Variants in BCAS3 observed in about 807,000 individuals in gnomAD.
The protein encoded by BCAS3 is BCAS4/BCAS3 fusion.
In BCAS3, 53 loss-of-function variants were observed where a neutral mutation model predicts 116.1. That is an observed-to-expected ratio of 0.46 (90% confidence interval 0.37 to 0.57). BCAS3 has a LOEUF of 0.57. Among genes scored for constraint, BCAS3 ranks in the 20% least tolerant of loss-of-function variants. The pLI is 0.00. For missense variants in BCAS3, 917 were observed against 1,165.4 expected (o/e 0.79, Z 3.10); for synonymous variants, 391 against 408.2 (o/e 0.96, Z 0.51).
chr17:61,058,935 G>T (rs1488195588), intron 19 of BCAS3, among the ~76,000 whole-genome samples: 1 of 151,888 alleles, frequency 6.6e-6, no homozygotes, highest in Non-Finnish European at 1.5e-5. Context: ...TTGAGGTGAG[G>T]TGATTTTGCT....
chr17:60,729,104 T>C (rs982895120), intron 5 of BCAS3, among the ~76,000 whole-genome samples: 2 of 152,252 alleles, frequency 1.3e-5, no homozygotes, highest in African/African-American at 4.8e-5. Context: ...GCATCTGTTC[T>C]CTTTTGCTAA....
chr17:60,899,512 T>C (rs1419473968), intron 10 of BCAS3, among the ~76,000 whole-genome samples: 2 of 152,030 alleles, frequency 1.3e-5, no homozygotes, highest in African/African-American at 2.4e-5. Context: ...ATTTTTTTTT[T>C]CCTGAGATGG....
intron 14 of BCAS3, among the ~76,000 whole-genome samples, chr17:60,952,060 C>T (rs2060872650): frequency 6.6e-6 from 1 of 151,750 alleles, no homozygotes; most frequent in Non-Finnish European, 1.5e-5. Flanking sequence ...GCATGAGCCA[C>T]TGCACTTGGC....
At chr17:60,959,471 T>A (rs2061312090) in intron 14 of BCAS3, among the ~76,000 whole-genome samples, 1 of 152,174 alleles carries the variant, frequency 6.6e-6, no homozygotes, top group Non-Finnish European at 1.5e-5. Flanking sequence ...ATGTCTTATG[T>A]CCACAATACC....
chr17:60,737,788 T>C (rs190679530), intron 5 of BCAS3, among the ~76,000 whole-genome samples: 1 of 151,996 alleles, frequency 6.6e-6, no homozygotes, highest in Admixed American at 6.6e-5. Flanking sequence ...ATTTTATTAT[T>C]ATTATTATTT....
In BCAS3 at chr17:61,368,951, C is replaced by T. The variant is rs1206213906; in HGVS notation, c.2593+457C>T. Among the ~76,000 whole-genome samples, 1 of 152,150 alleles carries T rather than the reference C, an allele frequency of 6.6e-6. No homozygotes were observed. Among genetic ancestry groups the T allele is most frequent in the Non-Finnish European group, 1.5e-5 (1 of 68,020 alleles). On this transcript the variant is annotated intron_variant, in intron 23 of 23. Transcript: ENST00000407086. The surrounding 1 kb of genome is among the most constrained non-coding windows in gnomAD (Gnocchi z 6.0). ...CCCCTACCAGCTTTTCCTCATGCTG[C>T]CTTTGGCCTTGCATTCTTGCCTCTG...
intron 22 of BCAS3, among the ~76,000 whole-genome samples, chr17:61,159,896 C>G (rs1469325141): frequency 6.6e-6 from 1 of 151,944 alleles, no homozygotes. Context: ...GTATTCTATG[C>G]AAAAGATTAG....
At chr17:60,749,488 A>G (rs185004377) in intron 6 of BCAS3, among the ~76,000 whole-genome samples, 10 of 152,282 alleles carry the variant, frequency 6.6e-5, no homozygotes, top group African/African-American at 2.4e-4. Context: ...TTTTGATGAA[A>G]TGGCTTCAAT....
intron 6 of BCAS3, among the ~76,000 whole-genome samples, chr17:60,772,485 A>G (rs1035023532): frequency 1.3e-5 from 2 of 152,050 alleles, no homozygotes; most frequent in Non-Finnish European, 2.9e-5. Flanking sequence ...GATTGCAAAT[A>G]TTTTCTCCCA....
At chr17:61,167,761 G>C (rs923808058) in intron 22 of BCAS3, among the ~76,000 whole-genome samples, 1 of 152,188 alleles carries the variant, frequency 6.6e-6, no homozygotes, top group Admixed American at 6.5e-5. Flanking sequence ...GGGGCTTCTT[G>C]TAGGGGATAC....
At position 61,392,130 on chromosome 17, in the gene BCAS3, C is replaced by T; in HGVS notation, c.*5C>T. 1 of 1,612,706 alleles carries T rather than the reference C, an allele frequency of 6.2e-7. No homozygotes were observed. Among genetic ancestry groups the T allele is most frequent in the African/African-American group, 1.3e-5 (1 of 75,028 alleles). ...TTCCCGACTGGCTTCCCGTAGGTACCAGCAACCTGCTTCTGACTGGCCAGC... is the reference window on the plus strand; with the variant it reads ...TTCCCGACTGGCTTCCCGTAGGTACTAGCAACCTGCTTCTGACTGGCCAGC... On this transcript the variant is annotated 3_prime_UTR_variant, in exon 24 of 24. Transcript: ENST00000407086. The surrounding 1 kb of genome is among the most constrained non-coding windows in gnomAD (Gnocchi z 6.4).
At position 61,012,764 on chromosome 17, in the gene BCAS3, G is replaced by A. The variant is rs2065194878; in HGVS notation, c.1487-2987G>A. ...TATTCTGAGGTTGTCCTTTATCCTG[G>A]TGAGACAGTGAAGCATTTTAAGTTG... On this transcript the variant is annotated intron_variant, in intron 15 of 23. Transcript: ENST00000407086. This position sits in a 1 kb window ranked among gnomAD's most constrained non-coding sequence, Gnocchi z 4.5. Among the ~76,000 whole-genome samples the A allele has an allele frequency of 6.6e-6, 1 of 152,000 alleles. No individual in the cohort carries two copies. The highest frequency in any genetic ancestry group is 6.6e-5 in the Admixed American group (1 of 15,234).
intron 6 of BCAS3, among the ~76,000 whole-genome samples, chr17:60,773,764 C>T (rs1452557821): frequency 6.6e-6 from 1 of 152,144 alleles, no homozygotes. Context: ...CCTCCTGCCT[C>T]AGTGTCCCAA....
chr17:60,796,040 C>CA (rs2047187810), intron 6 of BCAS3, among the ~76,000 whole-genome samples: 1 of 152,160 alleles, frequency 6.6e-6, no homozygotes, highest in South Asian at 2.1e-4. Context: ...TTTATTGACT[C>CA]ACGTATGTTA....
chr17:60,789,446 A>C, intron 6 of BCAS3, among the ~76,000 whole-genome samples: 1 of 152,154 alleles, frequency 6.6e-6, no homozygotes, highest in Non-Finnish European at 1.5e-5. Context: ...GCCCATTTTC[A>C]TTACTTTAAT....
chr17:60,963,991 T>A (rs1228578434), intron 14 of BCAS3, among the ~76,000 whole-genome samples: 1 of 152,224 alleles, frequency 6.6e-6, no homozygotes, highest in East Asian at 1.9e-4. Context: ...CAAGGCTGAT[T>A]TGAATTCTTC....
At position 61,214,632 on chromosome 17, in the gene BCAS3, A is replaced by C. The variant is rs377636193; in HGVS notation, c.2425+130068A>C. ...CATGAACCTGGGAGGCGGAGCTTGCAGTGAGCCGAGATCGCGCCACTGCAC... is the reference window on the plus strand; with the variant it reads ...CATGAACCTGGGAGGCGGAGCTTGCCGTGAGCCGAGATCGCGCCACTGCAC... On this transcript the variant is annotated intron_variant, in intron 22 of 23. Transcript: ENST00000407086. The surrounding 1 kb of genome is among the most constrained non-coding windows in gnomAD (Gnocchi z 4.4). Among the ~76,000 whole-genome samples, 9 of 151,184 alleles carry C rather than the reference A, an allele frequency of 6.0e-5. No individual in the cohort carries two copies. The East Asian group carries it at 1.4e-3, about 23-fold the overall frequency.
At chr17:60,932,891 G>A (rs543193357) in intron 13 of BCAS3, among the ~76,000 whole-genome samples, 1 of 151,798 alleles carries the variant, frequency 6.6e-6, no homozygotes, top group East Asian at 2.0e-4. Context: ...ATACCCCATG[G>A]AGGCTGGAAG....
At position 61,365,061 on chromosome 17, in the gene BCAS3, C is replaced by T. The variant is rs929322271; in HGVS notation, c.2426-3266C>T. On this transcript the variant is annotated intron_variant, in intron 22 of 23. Coordinates refer to ENST00000407086, the MANE Select transcript of BCAS3 (RefSeq NM_017679.5). This position sits in a 1 kb window ranked among gnomAD's most constrained non-coding sequence, Gnocchi z 4.6. ...TTTTACATTTATCTACTGCAGTCCT[C>T]ACAACAATCCTATGTGGTTGTATTG... Among the ~76,000 whole-genome samples the T allele has an allele frequency of 1.3e-5, 2 of 152,222 alleles. No individual in the cohort carries two copies. Among genetic ancestry groups the T allele is most frequent in the Admixed American group, 6.5e-5 (1 of 15,286 alleles).
Sources: gnomAD v4.1 joint callset for allele counts (sites outside exome capture counted in the v4.1 genomes callset) on GRCh38, gnomAD v4.1.1 for gene constraint, Gnocchi (gnomAD v3.1) non-coding constraint, MANE v1.5 for transcripts, NCBI Gene and HGNC (gene_info 2026-07-23, HGNC 2026-07-21) for gene names.